The following CCBE1 variants were observed in gnomAD, a reference collection of about 807,000 sequenced individuals.
The protein encoded by CCBE1 is collagen and calcium binding EGF domains 1.
CCBE1 carries 37 observed loss-of-function variants against 50.0 expected under a neutral mutation model. That is an observed-to-expected ratio of 0.74 (90% confidence interval 0.57 to 0.97). The LOEUF (loss-of-function observed/expected upper bound fraction) is 0.97. Ranked by LOEUF, CCBE1 falls within the 50% of genes least tolerant of loss-of-function variation. The pLI, the probability that CCBE1 is intolerant of heterozygous loss-of-function variation, is 0.00. For missense variants in CCBE1, 538 were observed against 523.8 expected, an observed-to-expected ratio of 1.03 and a Z score of -0.26; for synonymous variants, 234 against 203.7, an observed-to-expected ratio of 1.15 and a Z score of -1.27.
chr18:59,477,474 C>T (rs1912362766), intron 3 of CCBE1, among the ~76,000 whole-genome samples: 1 of 152,006 alleles, frequency 6.6e-6, no homozygotes, highest in South Asian at 2.1e-4. Flanking sequence ...GGACAAGTTA[C>T]AGAAAAAAGC....
intron 5 of CCBE1, among the ~76,000 whole-genome samples, chr18:59,459,847 G>A (rs1025359295): frequency 6.6e-6 from 1 of 152,186 alleles, no homozygotes; most frequent in Non-Finnish European, 1.5e-5. Flanking sequence ...AACAGTATCA[G>A]CATTTTTAAA....
At chr18:59,571,633 A>G (rs1044944530) in intron 2 of CCBE1, among the ~76,000 whole-genome samples, 3 of 152,230 alleles carry the variant, frequency 2.0e-5, no homozygotes, top group African/African-American at 7.2e-5. Context: ...ATTAAAAAAC[A>G]AAATCTATCC....
intron 2 of CCBE1, among the ~76,000 whole-genome samples, chr18:59,578,885 A>T (rs927272359): frequency 2.0e-5 from 3 of 152,218 alleles, no homozygotes; most frequent in Non-Finnish European, 4.4e-5. Context: ...CCACCATGGC[A>T]CGAGTTTACC....
intron 2 of CCBE1, among the ~76,000 whole-genome samples, chr18:59,499,850 G>A (rs1913532983): frequency 6.6e-6 from 1 of 152,154 alleles, no homozygotes; most frequent in South Asian, 2.1e-4. Flanking sequence ...CTGTTTGTGT[G>A]TGGTGGTGGG....
intron 2 of CCBE1, among the ~76,000 whole-genome samples, chr18:59,681,937 G>A (rs2144731413): frequency 6.6e-6 from 1 of 152,276 alleles, no homozygotes; most frequent in Admixed American, 6.5e-5. Flanking sequence ...AGGTGGGAGT[G>A]GTCCCTGTCA....
chr18:59,637,115 A>G (rs960652551), intron 2 of CCBE1, among the ~76,000 whole-genome samples: 2 of 152,222 alleles, frequency 1.3e-5, no homozygotes, highest in African/African-American at 2.4e-5. Context: ...TATGTAAATA[A>G]TCTGCACACA....
chr18:59,621,444 G>T (rs971859887), intron 2 of CCBE1, among the ~76,000 whole-genome samples: 1 of 152,204 alleles, frequency 6.6e-6, no homozygotes, highest in Non-Finnish European at 1.5e-5. Context: ...CAGTGGAGCT[G>T]CTCATAGATG....
At chr18:59,613,861 G>GT (rs1210812041) in intron 2 of CCBE1, among the ~76,000 whole-genome samples, 5 of 114,424 alleles carry the variant, frequency 4.4e-5, no homozygotes, top group Non-Finnish European at 8.3e-5. Context: ...TTTCTCTGAT[G>GT]GGTTTTTTTT....
At chr18:59,436,816 C>G (rs1360879013) in intron 10 of CCBE1, among the ~76,000 whole-genome samples, 1 of 151,820 alleles carries the variant, frequency 6.6e-6, no homozygotes, top group Non-Finnish European at 1.5e-5. Context: ...AAAAATTTAA[C>G]AAAAATTTAG....
chr18:59,609,862 A>T (rs2053547255), intron 2 of CCBE1, among the ~76,000 whole-genome samples: 1 of 152,222 alleles, frequency 6.6e-6, no homozygotes, highest in African/African-American at 2.4e-5. Flanking sequence ...GGTAAGTACC[A>T]GGGATAATAT....
At chr18:59,575,375 G>GT (rs1187587484) in intron 2 of CCBE1, among the ~76,000 whole-genome samples, 1 of 152,162 alleles carries the variant, frequency 6.6e-6, no homozygotes, top group Admixed American at 6.5e-5. Context: ...GCAGAACAAG[G>GT]TCAAGGGGAA....
intron 2 of CCBE1, among the ~76,000 whole-genome samples, chr18:59,597,496 G>A (rs1043720031): frequency 3.3e-5 from 5 of 152,054 alleles, no homozygotes; most frequent in Admixed American, 6.6e-5. Flanking sequence ...TGCTTCCTCC[G>A]GTCCTCTCTG....
intron 2 of CCBE1, among the ~76,000 whole-genome samples, chr18:59,549,433 C>A (rs1915833311): frequency 6.6e-6 from 1 of 152,122 alleles, no homozygotes; most frequent in Non-Finnish European, 1.5e-5. Context: ...AACAGGTCCC[C>A]CAACGCCAAC....
At chr18:59,481,847 C>T (rs528445770) in intron 2 of CCBE1, among the ~76,000 whole-genome samples, 1 of 152,160 alleles carries the variant, frequency 6.6e-6, no homozygotes, top group Non-Finnish European at 1.5e-5. Flanking sequence ...GGGAAATGTA[C>T]ATTTTTAGGA....
intron 2 of CCBE1, among the ~76,000 whole-genome samples, chr18:59,665,096 G>C (rs2054335748): frequency 6.6e-6 from 1 of 152,052 alleles, no homozygotes; most frequent in African/African-American, 2.4e-5. Flanking sequence ...ACAAGGCCAA[G>C]GCAGCTCCAA....
intron 2 of CCBE1, among the ~76,000 whole-genome samples, chr18:59,515,001 G>A (rs912012878): frequency 4.6e-5 from 7 of 152,154 alleles, no homozygotes; most frequent in Admixed American, 2.0e-4. Context: ...AAGCTCTGAT[G>A]TTTATTTTAC....
intron 2 of CCBE1, among the ~76,000 whole-genome samples, chr18:59,653,289 G>T (rs570087495): frequency 6.6e-6 from 1 of 152,262 alleles, no homozygotes; most frequent in South Asian, 2.1e-4. Flanking sequence ...AATGACTCTT[G>T]AACATGGCTG....
chr18:59,526,894 C>A (rs918769217), intron 2 of CCBE1, among the ~76,000 whole-genome samples: 2 of 152,062 alleles, frequency 1.3e-5, no homozygotes, highest in Admixed American at 6.6e-5. Context: ...GATTTCAGTT[C>A]TTTTGCATTT....
intron 2 of CCBE1, among the ~76,000 whole-genome samples, chr18:59,548,339 C>A (rs866358921): frequency 6.6e-6 from 1 of 152,110 alleles, no homozygotes; most frequent in Non-Finnish European, 1.5e-5. Context: ...CTCTGGTTTC[C>A]ATTATTTAAA....
Sources: allele counts gnomAD v4.1 joint callset (sites outside exome capture counted in the v4.1 genomes callset), GRCh38; gene constraint gnomAD v4.1.1; transcripts MANE v1.5; gene names NCBI Gene and HGNC (gene_info 2026-07-23, HGNC 2026-07-21).